TECTA: variants seen among roughly 807,000 people sequenced by gnomAD.
TECTA encodes the protein tectorin alpha.
In TECTA, 128 loss-of-function variants were observed where a neutral mutation model predicts 216.8. The observed-to-expected ratio is 0.59, with a 90% CI of 0.51 to 0.68. The LOEUF (loss-of-function observed/expected upper bound fraction) is 0.68, where lower values mean the gene tolerates loss of function less well. Among genes scored for constraint, TECTA ranks in the 30% least tolerant of loss-of-function variants. TECTA has a pLI of 0.00. For missense variants in TECTA, 2,551 were observed against 2,786.2 expected (o/e 0.92, Z 1.90); for synonymous variants, 1,089 against 1,117.1 (o/e 0.97, Z 0.50).
rs1946743311 is a variant in TECTA, at chr11:121,137,584, G to A, written c.3105G>A (p.Glu1035=). 2 of 1,614,032 alleles carry A rather than the reference G, an allele frequency of 1.2e-6. No homozygotes were observed. Among genetic ancestry groups the A allele is most frequent in the Non-Finnish European group, 1.7e-6 (2 of 1,179,996 alleles). ...GCAGCCAGTGTGTCACGCGGAGTGA[G>A]TGTGGCTGCAACTTTGAGGGGCACC... ...LLGSQCVTRS[E]CGCNFEGHQL... Residue 1035 remains glutamate, a synonymous_variant, in exon 11 of 24, where the codon GAG becomes GAA. Coordinates refer to ENST00000392793, the MANE Select transcript of TECTA (RefSeq NM_005422.4).
rs771323708 is a variant in TECTA at position 121,152,969 on chromosome 11, CA to C, written c.4195del (p.Ser1399AlafsTer58). The C allele has an allele frequency of 1.2e-5, 20 of 1,614,016 alleles. No individual in the cohort carries two copies. Among genetic ancestry groups the C allele is most frequent in the Non-Finnish European group, 3.4e-6 (4 of 1,180,022 alleles). On this transcript the variant is annotated frameshift_variant, in exon 13 of 24. Coordinates refer to ENST00000392793, the MANE Select transcript of TECTA (RefSeq NM_005422.4). LOFTEE classifies it high-confidence loss of function. ...CCGCCATCCGCCTGAAGAGTGACTG[CA>C]GCCACTACTGCGTGGAGGGCTGTCA... is the stretch of plus-strand genomic sequence containing the variant. ...CAAIRLKSDC[S>X]HYCVEGCHCD...
intron 4 of TECTA, 88 bp downstream of exon 4, chr11:121,109,586 A>G (rs2135055246): frequency 6.7e-7 from 1 of 1,502,048 alleles, no homozygotes; most frequent in South Asian, 1.2e-5. Flanking sequence ...TCTAATTATT[A>G]GAGCTAAGGA....
intron 16 of TECTA, among the ~76,000 whole-genome samples, chr11:121,164,279 T>G (rs1947029455): frequency 6.6e-6 from 1 of 152,214 alleles, no homozygotes; most frequent in Non-Finnish European, 1.5e-5. Context: ...TCTCTTGAAT[T>G]TATTCCTCTT....
At chr11:121,177,247 C>T (rs1364468343) in intron 20 of TECTA, among the ~76,000 whole-genome samples, 10 of 152,206 alleles carry the variant, frequency 6.6e-5, no homozygotes, top group South Asian at 2.1e-4. Flanking sequence ...GGAGGAGAGG[C>T]GCTCTGCTTT....
intron 6 of TECTA, among the ~76,000 whole-genome samples, chr11:121,115,214 C>T (rs914217437): frequency 3.9e-5 from 6 of 152,022 alleles, no homozygotes; most frequent in African/African-American, 1.4e-4. Flanking sequence ...TCCATTTATC[C>T]ATCCACCCAT....
chr11:121,149,240 C>T (rs990914419), intron 12 of TECTA, among the ~76,000 whole-genome samples: 1 of 152,240 alleles, frequency 6.6e-6, no homozygotes, highest in African/African-American at 2.4e-5. Flanking sequence ...AATGCTGCCT[C>T]TCTGAGCCTG....
chr11:121,166,871 T>C, intron 18 of TECTA, 91 bp downstream of exon 18: 1 of 1,449,098 alleles, frequency 6.9e-7, no homozygotes, highest in Non-Finnish European at 9.6e-7. Context: ...AACTTCAGGG[T>C]GATCTGCTTA....
Position 121,166,749 on chromosome 11 carries a change from A to C in TECTA, c.5555A>C (p.Asn1852Thr), listed in dbSNP as rs751770457. 8 of 1,614,084 alleles carry C rather than the reference A, an allele frequency of 5.0e-6. No individual in the cohort carries two copies. Among genetic ancestry groups the C allele is most frequent in the East Asian group, 2.2e-5 (1 of 44,896 alleles). ...GEDFISFQIN[N>T]TKGNCGNIVQ... ...GATTTTATCTCCTTTCAGATCAACAACACCAAAGGGAATTGTGGAAACATT... is the reference window on the plus strand; with the variant it reads ...GATTTTATCTCCTTTCAGATCAACACCACCAAAGGGAATTGTGGAAACATT... The change falls in exon 18 of 24, where the codon AAC (asparagine) becomes ACC (threonine). Residue 1852 changes from asparagine (N) to threonine (T), a missense_variant. Asn to Thr is a moderately conservative substitution (Grantham distance 65). Around this residue, in one of 3 missense-constraint regions of TECTA, gnomAD observed 2,375 missense variants for 2,563.9 expected, o/e 0.93. Transcript: ENST00000392793.
At position 121,105,119 on chromosome 11, in the gene TECTA, T is replaced by C. The variant is rs1202222016; in HGVS notation, c.65-712T>C. ...CCCTGTCACAGCGGGATGCAGTGTGTGTTTGTGTGATGGCTCTCCAGTGAC... is the reference window on the plus strand; with the variant it reads ...CCCTGTCACAGCGGGATGCAGTGTGCGTTTGTGTGATGGCTCTCCAGTGAC... On this transcript the variant is annotated intron_variant, in intron 2 of 23. Transcript: ENST00000392793. This position sits in a 1 kb window ranked among gnomAD's most constrained non-coding sequence, Gnocchi z 5.3. Among the ~76,000 whole-genome samples, 1 of 152,126 alleles carries C rather than the reference T, an allele frequency of 6.6e-6. No individual in the cohort carries two copies. The highest frequency in any genetic ancestry group is 1.5e-5 in the Non-Finnish European group (1 of 68,016).
Position 121,189,174 on chromosome 11 carries a change from A to C in TECTA, c.6250+7A>C. ...GGACCTATTAGGAGAAAAAGTATGT[A>C]TGTTCCCTAAAACACACCCTAAATT... is the stretch of plus-strand genomic sequence containing the variant. On this transcript the variant is annotated splice_region_variant and intron_variant, in intron 22 of 23. Coordinates refer to ENST00000392793, the MANE Select transcript of TECTA (RefSeq NM_005422.4). 1 of 1,613,172 alleles carries C rather than the reference A, an allele frequency of 6.2e-7. No individual in the cohort carries two copies. The highest frequency in any genetic ancestry group is 8.5e-7 in the Non-Finnish European group (1 of 1,179,130).
chr11:121,166,717 G>A lies in TECTA; in HGVS notation c.5523G>A (p.Glu1841=). ...ATGACAGACAGTGCACCGGCATCGA[G>A]GGGGAAGATTTTATCTCCTTTCAGA... The part of the protein sequence containing the change: ...RINDRQCTGI[E]GEDFISFQIN... The change falls in exon 18 of 24, where the codon GAG becomes GAA. Residue 1841 remains glutamate (E), a synonymous_variant. Coordinates refer to ENST00000392793, the MANE Select transcript of TECTA (RefSeq NM_005422.4). The A allele has an allele frequency of 1.2e-6, 2 of 1,614,194 alleles. No homozygotes were observed. The highest frequency in any genetic ancestry group is 1.7e-6 in the Non-Finnish European group (2 of 1,180,030).
At chr11:121,189,375 C>CTTTTTT (rs11459448) in intron 22 of TECTA, among the ~76,000 whole-genome samples, 1 of 146,770 alleles carries the variant, frequency 6.8e-6, no homozygotes, top group Non-Finnish European at 1.5e-5. Flanking sequence ...TTGTCCTCCT[C>CTTTTTT]TTTTTTTTTT....
rs769340138 is a variant in TECTA, at chr11:121,125,602, G to A, written c.1504G>A (p.Gly502Ser). Residue 502 changes from glycine (G) to serine (S), a missense_variant, in exon 8 of 24, where the codon GGC (glycine) becomes AGC (serine). Around this residue, in one of 3 missense-constraint regions of TECTA, gnomAD observed 2,375 missense variants for 2,563.9 expected, o/e 0.93. Coordinates refer to ENST00000392793, the MANE Select transcript of TECTA (RefSeq NM_005422.4). ...VYHADWKCDS[G>S]CVDNCTQCDA... The stretch of plus-strand genomic sequence containing the variant: ...CCACGCAGACTGGAAGTGCGACTCC[G>A]GCTGCGTCGACAACTGCACCCAGTG... The A allele has an allele frequency of 1.4e-5, 23 of 1,613,710 alleles. No homozygotes were observed. The highest frequency in any genetic ancestry group is 3.3e-4 in the Middle Eastern group (2 of 6,084).
In TECTA at chr11:121,145,567, C is replaced by A. The variant is rs148098950; in HGVS notation, c.3556C>A (p.Arg1186=). The A allele has an allele frequency of 4.3e-6, 7 of 1,614,198 alleles. No individual in the cohort carries two copies. Among genetic ancestry groups the A allele is most frequent in the Non-Finnish European group, 5.9e-6 (7 of 1,180,032 alleles). Reference sequence around the variant, plus strand: ...TCTCCTCTTACAGGTCAACAGTGAACGGCTCTATCTGCCCCTGAAGCTGGG... The same window carrying A: ...TCTCCTCTTACAGGTCAACAGTGAAAGGCTCTATCTGCCCCTGAAGCTGGG... ...YKHTVLVNSE[R]LYLPLKLGQG... The change falls in exon 12 of 24, where the codon CGG becomes AGG. Residue 1186 remains arginine (R), a synonymous_variant. Coordinates refer to ENST00000392793, the MANE Select transcript of TECTA (RefSeq NM_005422.4).
intron 11 of TECTA, among the ~76,000 whole-genome samples, chr11:121,138,675 G>A (rs115903909): frequency 0.33 from 49,370 of 151,714 alleles, 11,690 homozygotes; most frequent in African/African-American, 0.67. Flanking sequence ...CCTTGGCCAT[G>A]AAGACAGGAG....
Position 121,113,481 on chromosome 11 carries a change from T to C in TECTA, c.625-72T>C. ...TTTTAGAGGTGCTGGATTTTAAAAA[T>C]AAGGTAGTTGGGCCAGTTAACCCAT... On this transcript the variant is annotated intron_variant, in intron 5 of 23. Transcript: ENST00000392793. The surrounding 1 kb of genome is among the most constrained non-coding windows in gnomAD (Gnocchi z 4.2). 3.8e-6 allele frequency: 6 copies of C among 1,595,138 alleles called. No individual in the cohort carries two copies. In the East Asian group the frequency reaches 1.1e-4, roughly 30 times the overall value.
rs763331676 is a variant in TECTA at position 121,118,401 on chromosome 11, G to C, written c.886G>C (p.Glu296Gln). The change falls in exon 7 of 24, where the codon GAG becomes CAG. Residue 296 changes from glutamate to glutamine, a missense_variant. By Grantham distance (29) the Glu-to-Gln change is conservative (BLOSUM62 2). Coordinates refer to ENST00000392793, the MANE Select transcript of TECTA (RefSeq NM_005422.4). ...TTTCAACAATGAGATCTACTGCCAG[G>C]AGGCTTCCTGTAGCCCCTACGAGGT... Reference protein sequence around the residue: ...LDFNNEIYCQEASCSPYEVCE... With the variant: ...LDFNNEIYCQQASCSPYEVCE... 1 of 1,614,192 alleles carries C rather than the reference G, an allele frequency of 6.2e-7. No homozygotes were observed. Among genetic ancestry groups the C allele is most frequent in the South Asian group, 1.1e-5 (1 of 91,080 alleles).
Position 121,162,297 on chromosome 11 carries a change from C to G in TECTA, c.5199C>G (p.Ser1733=). The change falls in exon 16 of 24, where the codon TCC becomes TCG. Residue 1733 remains serine, a synonymous_variant. Transcript: ENST00000392793. Reference sequence around the variant, plus strand: ...ACAAGAAGTTCCAGCTGTGCGGCTCCCTGGCCGCCTACGGGGAGGCCTGCC... The same window carrying G: ...ACAAGAAGTTCCAGCTGTGCGGCTCGCTGGCCGCCTACGGGGAGGCCTGCC... ...YSHKKFQLCG[S]LAAYGEACRS... is the part of the protein sequence containing the mutation. 1 of 1,613,522 alleles carries G rather than the reference C, an allele frequency of 6.2e-7. No homozygotes were observed. The highest frequency in any genetic ancestry group is 1.1e-5 in the South Asian group (1 of 91,084).
rs1417714105 is a variant in TECTA at position 121,168,150 on chromosome 11, G to T, written c.5683G>T (p.Glu1895Ter). Residue 1895 changes from glutamate to a stop codon, truncating the protein, a stop_gained, in exon 19 of 24, where the codon GAA becomes TAA. Coordinates refer to ENST00000392793, the MANE Select transcript of TECTA (RefSeq NM_005422.4). LOFTEE classifies it high-confidence loss of function. ...IITRDRTINV[E>*]FSCAYELDIK... ...CACCAGGGACCGCACGATCAATGTG[G>T]AATTTTCATGTGCTTATGAGCTGGA... is the stretch of plus-strand genomic sequence containing the variant. 2.5e-6 allele frequency: 4 copies of T among 1,614,198 alleles called. No homozygotes were observed. The highest frequency in any genetic ancestry group is 3.4e-6 in the Non-Finnish European group (4 of 1,180,024).
Sources: allele counts gnomAD v4.1 joint callset (sites outside exome capture counted in the v4.1 genomes callset), GRCh38; gene constraint gnomAD v4.1.1; regional missense constraint gnomAD v4.1.1; non-coding constraint Gnocchi (gnomAD v3.1); transcripts MANE v1.5; gene names NCBI Gene and HGNC (gene_info 2026-07-23, HGNC 2026-07-21).